TANC2: variants seen among roughly 807,000 people sequenced by gnomAD.
The protein encoded by TANC2 is tetratricopeptide repeat, ankyrin repeat and coiled-coil containing 2, also known as protein TANC2.
A neutral mutation model predicts 210.5 loss-of-function variants in TANC2; 26 were observed. The ratio of observed to expected loss-of-function variants is 0.12; its 90% CI spans 0.09 to 0.17. The LOEUF (loss-of-function observed/expected upper bound fraction) is 0.17, where lower values mean the gene tolerates loss of function less well. Among genes scored for constraint, TANC2 ranks in the 10% least tolerant of loss-of-function variants. The probability of loss-of-function intolerance (pLI) is 1.00; values close to 1 mark genes in which losing one functional copy is unlikely to be tolerated. For synonymous variants in TANC2, 931 were observed against 967.1 expected (o/e 0.96, Z 0.69); for missense variants, 2,129 against 2,608.9 (o/e 0.82, Z 4.01).
At chr17:63,394,665 A>G (rs2147195393) in intron 17 of TANC2, among the ~76,000 whole-genome samples, 1 of 152,230 alleles carries the variant, frequency 6.6e-6, no homozygotes, top group African/African-American at 2.4e-5. Context: ...TACATTAATC[A>G]TTTTCCATCT....
At chr17:63,123,944 A>C (rs1018070209) in intron 4 of TANC2, among the ~76,000 whole-genome samples, 8 of 151,806 alleles carry the variant, frequency 5.3e-5, no homozygotes, top group South Asian at 2.1e-4. Flanking sequence ...CTTGTGATCC[A>C]CCCGCCTTGG....
intron 9 of TANC2, among the ~76,000 whole-genome samples, chr17:63,295,604 A>G (rs984325794): frequency 2.0e-5 from 3 of 152,232 alleles, no homozygotes; most frequent in Non-Finnish European, 4.4e-5. Flanking sequence ...AGGGAAGTAC[A>G]AAGAGAGATA....
chr17:63,195,522 C>G (rs957821528), intron 6 of TANC2, among the ~76,000 whole-genome samples: 1 of 152,178 alleles, frequency 6.6e-6, no homozygotes, highest in Non-Finnish European at 1.5e-5. Flanking sequence ...CCACTGTCAT[C>G]TTTTGCCTGT....
chr17:63,177,627 T>C (rs1370085220), intron 5 of TANC2, among the ~76,000 whole-genome samples: 1 of 152,162 alleles, frequency 6.6e-6, no homozygotes, highest in African/African-American at 2.4e-5. Context: ...AAAAAACTCA[T>C]GGGCTTGCAA....
chr17:63,351,356 A>G, exon 13 of TANC2: 1 of 1,610,564 alleles, frequency 6.2e-7, no homozygotes, highest in Non-Finnish European at 8.5e-7. Context: ...TTCTGAGTAA[A>G]ATGATCGGAA....
At chr17:63,138,736 G>C (rs1326773110) in intron 4 of TANC2, among the ~76,000 whole-genome samples, 1 of 152,144 alleles carries the variant, frequency 6.6e-6, no homozygotes, top group Non-Finnish European at 1.5e-5. Context: ...ATTTCAAAGT[G>C]TGGTAACACA....
At chr17:63,003,088 G>T (rs1288201158) in intron 1 of TANC2, among the ~76,000 whole-genome samples, 1 of 152,098 alleles carries the variant, frequency 6.6e-6, no homozygotes, top group Non-Finnish European at 1.5e-5. Flanking sequence ...AAAATAGTGT[G>T]TTGGAATTTA....
At chr17:62,982,501 A>G (rs547576666) in intron 1 of TANC2, among the ~76,000 whole-genome samples, 16 of 152,162 alleles carry the variant, frequency 1.1e-4, no homozygotes, top group African/African-American at 3.4e-4. Context: ...TTGTCTTCCA[A>G]TTTACCTCAA....
intron 13 of TANC2, among the ~76,000 whole-genome samples, chr17:63,353,308 T>C (rs1049680855): frequency 1.3e-5 from 2 of 152,102 alleles, no homozygotes; most frequent in African/African-American, 4.8e-5. Flanking sequence ...GAATGAATCC[T>C]GGGTATGTTG....
At chr17:63,189,458 T>C (rs1598568456) in intron 5 of TANC2, among the ~76,000 whole-genome samples, 1 of 152,244 alleles carries the variant, frequency 6.6e-6, no homozygotes, top group South Asian at 2.1e-4. Flanking sequence ...CTAGTGGATA[T>C]AACTTGATAT....
chr17:63,312,862 G>A (rs555561234), intron 9 of TANC2, among the ~76,000 whole-genome samples: 1 of 152,114 alleles, frequency 6.6e-6, no homozygotes, highest in African/African-American at 2.4e-5. Context: ...TGAAAACTTT[G>A]GGCATTTTGT....
At chr17:63,324,984 A>G (rs1048910971) in intron 11 of TANC2, among the ~76,000 whole-genome samples, 9 of 148,322 alleles carry the variant, frequency 6.1e-5, no homozygotes, top group Non-Finnish European at 1.3e-4. Flanking sequence ...CCCTTCTTAA[A>G]ATATCATAAA....
chr17:63,203,792 C>CA (rs943267113), intron 7 of TANC2, among the ~76,000 whole-genome samples: 8 of 149,504 alleles, frequency 5.4e-5, no homozygotes, highest in Admixed American at 6.7e-5. Context: ...CAGTGGACAC[C>CA]AAAAAAAAAG....
intron 2 of TANC2, among the ~76,000 whole-genome samples, chr17:63,049,137 A>G (rs2035486691): frequency 6.6e-6 from 1 of 152,128 alleles, no homozygotes; most frequent in African/African-American, 2.4e-5. Flanking sequence ...TACTTATGCA[A>G]ATTAATTAAT....
At chr17:63,172,741 A>G (rs1254298006) in intron 5 of TANC2, among the ~76,000 whole-genome samples, 1 of 152,232 alleles carries the variant, frequency 6.6e-6, no homozygotes, top group Non-Finnish European at 1.5e-5. Context: ...GAAACTTAGT[A>G]TGTTATAAAT....
At chr17:63,130,097 T>C (rs989348011) in intron 4 of TANC2, among the ~76,000 whole-genome samples, 1 of 152,212 alleles carries the variant, frequency 6.6e-6, no homozygotes, top group Non-Finnish European at 1.5e-5. Context: ...CTTATAGATG[T>C]ATAGAGTTAT....
chr17:63,087,411 T>G (rs1029430407), intron 3 of TANC2, among the ~76,000 whole-genome samples: 1 of 152,186 alleles, frequency 6.6e-6, no homozygotes, highest in African/African-American at 2.4e-5. Flanking sequence ...AGTGCTTCTC[T>G]GTTTTTTTCT....
rs556712749 is a variant in TANC2 at position 63,097,790 on chromosome 17, A to G, written c.140-1385A>G. On this transcript the variant is annotated intron_variant, in intron 3 of 27. Coordinates refer to ENST00000689528, the Ensembl canonical transcript of TANC2. ...GTATCCTTTGTTGCATACAGTTTTT[A>G]ATTTTGATGAAATCCAATTGATTTT... 5.3e-5 allele frequency among the ~76,000 whole-genome samples: 8 copies of G among 152,098 alleles called. No individual in the cohort carries two copies. The East Asian group carries it at 1.5e-3, about 29-fold the overall frequency.
At chr17:63,002,076 T>G (rs2033412261) in intron 1 of TANC2, among the ~76,000 whole-genome samples, 1 of 152,084 alleles carries the variant, frequency 6.6e-6, no homozygotes, top group African/African-American at 2.4e-5. Context: ...CTTTTGGAGG[T>G]AAGTATTTGG....
Sources: gnomAD v4.1 joint callset for allele counts (sites outside exome capture counted in the v4.1 genomes callset) on GRCh38, gnomAD v4.1.1 for gene constraint, MANE v1.5 for transcripts, NCBI Gene and HGNC (gene_info 2026-07-23, HGNC 2026-07-21) for gene names.